Variants in RAMP1 observed in about 807,000 individuals in gnomAD.
RAMP1 encodes the protein receptor activity modifying protein 1.
In RAMP1, 7 loss-of-function variants were observed where a neutral mutation model predicts 8.2. The observed-to-expected ratio is 0.85, with a 90% CI of 0.49 to 1.60. The LOEUF is 1.60. Ranked by LOEUF, RAMP1 falls within the 40% of genes most tolerant of loss-of-function variation. The pLI, the probability that RAMP1 is intolerant of heterozygous loss-of-function variation, is 0.00. For synonymous variants in RAMP1, 92 were observed against 84.7 expected (o/e 1.09, Z -0.47); for missense variants, 192 against 202.4 (o/e 0.95, Z 0.31).
At chr2:237,909,618 G>C (rs181416759) in intron 2 of RAMP1, among the ~76,000 whole-genome samples, 2 of 152,106 alleles carry the variant, frequency 1.3e-5, no homozygotes, top group African/African-American at 4.8e-5. Context: ...CTCTACCCAC[G>C]GCCAGTGATG....
chr2:237,889,703 T>C (rs2062469874), intron 2 of RAMP1, among the ~76,000 whole-genome samples: 1 of 152,182 alleles, frequency 6.6e-6, no homozygotes, highest in Non-Finnish European at 1.5e-5. Context: ...TAAAAAGTCA[T>C]TGCAGCCCCG....
At chr2:237,910,307 G>A (rs1037068118) in intron 2 of RAMP1, among the ~76,000 whole-genome samples, 42 of 148,642 alleles carry the variant, frequency 2.8e-4, no homozygotes, top group African/African-American at 8.7e-4. Context: ...AACAAGTTAC[G>A]CTCACACACA....
intron 1 of RAMP1, among the ~76,000 whole-genome samples, chr2:237,871,606 A>C (rs1158629708): frequency 6.6e-6 from 1 of 152,030 alleles, no homozygotes; most frequent in African/African-American, 2.4e-5. Context: ...CCCCGACCCC[A>C]ACTCCCTTGG....
chr2:237,906,371 C>T (rs1452482685), intron 2 of RAMP1, among the ~76,000 whole-genome samples: 1 of 152,006 alleles, frequency 6.6e-6, no homozygotes, highest in Admixed American at 6.6e-5. Flanking sequence ...TAGAGGGCAG[C>T]CAGGAAGGAA....
At chr2:237,871,078 G>A (rs917827408) in intron 1 of RAMP1, among the ~76,000 whole-genome samples, 29 of 152,200 alleles carry the variant, frequency 1.9e-4, no homozygotes, top group African/African-American at 7.0e-4. Context: ...GGAACAACCC[G>A]GCCCTGGCCC....
chr2:237,873,863 A>G (rs1324634119), intron 1 of RAMP1, among the ~76,000 whole-genome samples: 2 of 152,192 alleles, frequency 1.3e-5, no homozygotes, highest in Admixed American at 6.5e-5. Flanking sequence ...CTGTACCTAA[A>G]AAATGAAACT....
chr2:237,908,922 G>A (rs2062680217), intron 2 of RAMP1, among the ~76,000 whole-genome samples: 1 of 152,222 alleles, frequency 6.6e-6, no homozygotes, highest in Admixed American at 6.5e-5. Flanking sequence ...GGAGAGAAGA[G>A]TCTGGGATGG....
chr2:237,859,714 C>G lies in RAMP1; in HGVS notation c.39C>G (p.Leu13=). 1 of 1,513,404 alleles carries G rather than the reference C, an allele frequency of 6.6e-7. No individual in the cohort carries two copies. The highest frequency in any genetic ancestry group is 8.8e-7 in the Non-Finnish European group (1 of 1,131,474). The allele number at this position is 1,513,404 out of a possible 1,614,324, so 93.7% of individuals were successfully genotyped here. A position where few individuals can be genotyped will look rare whatever the true frequency, so the allele number is the denominator to read the frequency against. ...TGTGCCGCCTCCCGCGGCGCGGCCT[C>G]TGGCTGCTCCTGGGTGAGTAGGTCC... The part of the protein sequence containing the change: ...RALCRLPRRG[L]WLLLAHHLFM... The change falls in exon 1 of 3, where the codon CTC becomes CTG. Residue 13 remains leucine, a synonymous_variant. Transcript: ENST00000254661.
In RAMP1 at chr2:237,877,460, T is replaced by G. The variant is rs2062320129; in HGVS notation, c.191+98T>G. On this transcript the variant is annotated intron_variant, in intron 2 of 2. Transcript: ENST00000254661. This position sits in a 1 kb window ranked among gnomAD's most constrained non-coding sequence, Gnocchi z 4.4. The stretch of plus-strand genomic sequence containing the variant: ...CACGTGGGAGCTGTGGAAGATCCTT[T>G]CTAGACCCCGGAAGGGTTCTTCCCC... The G allele has an allele frequency of 3.4e-6, 5 of 1,478,980 alleles. 1 individual carries two copies. Among genetic ancestry groups the G allele is most frequent in the Non-Finnish European group, 4.5e-6 (5 of 1,105,754 alleles). The allele number at this position is 1,478,980 out of a possible 1,614,324, so 91.6% of individuals were successfully genotyped here. A position where few individuals can be genotyped will look rare whatever the true frequency, so the allele number is the denominator to read the frequency against.
chr2:237,863,409 C>A (rs2062150441), intron 1 of RAMP1, among the ~76,000 whole-genome samples: 1 of 152,178 alleles, frequency 6.6e-6, no homozygotes, highest in Non-Finnish European at 1.5e-5. Flanking sequence ...ATGTCCTTGT[C>A]CCCAGTCCTC....
At chr2:237,901,918 C>T (rs543141203) in intron 2 of RAMP1, among the ~76,000 whole-genome samples, 28 of 152,158 alleles carry the variant, frequency 1.8e-4, no homozygotes, top group African/African-American at 4.8e-4. Flanking sequence ...TCCACCAGGA[C>T]GAGTCACTTC....
In RAMP1 at chr2:237,911,968, G is replaced by T; in HGVS notation, c.*185G>T. On this transcript the variant is annotated 3_prime_UTR_variant, in exon 3 of 3. Transcript: ENST00000254661. Reference sequence around the variant, plus strand: ...TGGTATTAACCTGGAAGCCCCCCTGGCTGGAGGCCACCGCCACCCTAGGAA... The same window carrying T: ...TGGTATTAACCTGGAAGCCCCCCTGTCTGGAGGCCACCGCCACCCTAGGAA... The T allele has an allele frequency of 1.9e-6, 2 of 1,034,784 alleles. No homozygotes were observed. Among genetic ancestry groups the T allele is most frequent in the Non-Finnish European group, 2.7e-6 (2 of 735,906 alleles). The allele number at this position is 1,034,784 out of a possible 1,614,324, so 64.1% of individuals were successfully genotyped here. A position where few individuals can be genotyped will look rare whatever the true frequency, so the allele number is the denominator to read the frequency against.
At chr2:237,882,350 C>T (rs890625398) in intron 2 of RAMP1, among the ~76,000 whole-genome samples, 7 of 152,312 alleles carry the variant, frequency 4.6e-5, no homozygotes, top group Non-Finnish European at 1.0e-4. Context: ...GTCCAAGAAA[C>T]GCGTTTACTG....
chr2:237,909,780 A>G (rs534643203), intron 2 of RAMP1, among the ~76,000 whole-genome samples: 1 of 152,204 alleles, frequency 6.6e-6, no homozygotes, highest in African/African-American at 2.4e-5. Context: ...ACCCACATCT[A>G]TGGAGAAAGT....
intron 2 of RAMP1, among the ~76,000 whole-genome samples, chr2:237,904,657 C>T (rs1206079752): frequency 6.6e-6 from 1 of 152,146 alleles, no homozygotes; most frequent in Admixed American, 6.5e-5. Flanking sequence ...AAGTGCTTTC[C>T]CCTCAGATTT....
At chr2:237,869,075 ATT>A (rs1348291899) in intron 1 of RAMP1, among the ~76,000 whole-genome samples, 1 of 151,916 alleles carries the variant, frequency 6.6e-6, no homozygotes, top group East Asian at 1.9e-4. Flanking sequence ...CCGTATCCCT[ATT>A]TTCATCTTCT....
intron 1 of RAMP1, among the ~76,000 whole-genome samples, chr2:237,864,427 G>A (rs1006554618): frequency 1.2e-4 from 18 of 152,352 alleles, no homozygotes; most frequent in East Asian, 1.9e-4. Context: ...ACTGACACCC[G>A]GGGTGGCTCT....
intron 1 of RAMP1, among the ~76,000 whole-genome samples, chr2:237,864,057 A>G (rs747293824): frequency 2.0e-5 from 3 of 151,914 alleles, no homozygotes; most frequent in Non-Finnish European, 4.4e-5. Flanking sequence ...TGCCATGTTC[A>G]GGCCCCCAGG....
At chr2:237,890,453 C>T (rs946761747) in intron 2 of RAMP1, among the ~76,000 whole-genome samples, 1 of 151,970 alleles carries the variant, frequency 6.6e-6, no homozygotes, top group African/African-American at 2.4e-5. Context: ...CCACCCGCCT[C>T]GGCCTCCCAA....
Sources: gnomAD v4.1 joint callset for allele counts (sites outside exome capture counted in the v4.1 genomes callset) on GRCh38, gnomAD v4.1.1 for gene constraint, Gnocchi (gnomAD v3.1) non-coding constraint, MANE v1.5 for transcripts, NCBI Gene and HGNC (gene_info 2026-07-23, HGNC 2026-07-21) for gene names.